Variants in CDH18 observed in about 807,000 individuals in gnomAD.
The protein encoded by CDH18 is cadherin 18, also known as cadherin-18.
A neutral mutation model predicts 67.9 loss-of-function variants in CDH18; 31 were observed. The ratio of observed to expected loss-of-function variants is 0.46; its 90% CI spans 0.34 to 0.62. The LOEUF (loss-of-function observed/expected upper bound fraction) is 0.62. Among genes scored for constraint, CDH18 ranks in the 20% least tolerant of loss-of-function variants. The probability of loss-of-function intolerance (pLI) is 0.01; values close to 1 mark genes in which losing one functional copy is unlikely to be tolerated. For missense variants in CDH18, 890 were observed against 975.5 expected (o/e 0.91, Z 1.17); for synonymous variants, 362 against 347.2 (o/e 1.04, Z -0.48).
chr5:19,607,181 T>C (rs1290977162), intron 6 of CDH18, among the ~76,000 whole-genome samples: 4 of 151,476 alleles, frequency 2.6e-5, no homozygotes, highest in African/African-American at 9.7e-5. Context: ...TTTTAAGAAA[T>C]TTACAATTCC....
intron 4 of CDH18, among the ~76,000 whole-genome samples, chr5:19,740,197 AC>A (rs1768915638): frequency 6.6e-6 from 1 of 152,160 alleles, no homozygotes; most frequent in African/African-American, 2.4e-5. Context: ...ACCTGTTACT[AC>A]CTGTTAAATG....
At chr5:20,047,529 T>C (rs1741015662) in intron 2 of CDH18, among the ~76,000 whole-genome samples, 1 of 151,830 alleles carries the variant, frequency 6.6e-6, no homozygotes, top group African/African-American at 2.4e-5. Context: ...AAACAAAGGT[T>C]TGCATTCTTA....
intron 1 of CDH18, among the ~76,000 whole-genome samples, chr5:20,384,669 C>A (rs1444126092): frequency 6.6e-6 from 1 of 152,010 alleles, no homozygotes; most frequent in Non-Finnish European, 1.5e-5. Flanking sequence ...ATAGTGTTTT[C>A]CATACTAGCT....
intron 2 of CDH18, among the ~76,000 whole-genome samples, chr5:19,878,398 G>A (rs116735967): frequency 0.03 from 4,509 of 151,980 alleles, 246 homozygotes; most frequent in African/African-American, 0.1. Flanking sequence ...ACAAACATAC[G>A]GCACACAAAC....
At chr5:20,439,277 A>C (rs1022240013) in intron 1 of CDH18, among the ~76,000 whole-genome samples, 2 of 151,610 alleles carry the variant, frequency 1.3e-5, no homozygotes, top group Non-Finnish European at 2.9e-5. Flanking sequence ...AATAGAAAAA[A>C]CTAAGGTTTG....
intron 11 of CDH18, among the ~76,000 whole-genome samples, chr5:19,495,717 CAAAAAAA>C (rs749003068): frequency 0.015 from 697 of 46,572 alleles, 8 homozygotes; most frequent in African/African-American, 0.052. Context: ...GAAACTGTCT[CAAAAAAA>C]AAAAAAAAAA....
chr5:19,818,901 T>C (rs1779569120), intron 3 of CDH18, among the ~76,000 whole-genome samples: 1 of 152,212 alleles, frequency 6.6e-6, no homozygotes, highest in Non-Finnish European at 1.5e-5. Context: ...TACTATTATT[T>C]TCTTATCGTA....
At chr5:19,984,770 G>C (rs902113061) in intron 1 of CDH18, among the ~76,000 whole-genome samples, 5 of 152,146 alleles carry the variant, frequency 3.3e-5, no homozygotes, top group African/African-American at 1.2e-4. Context: ...GTTAATCCAT[G>C]TCAGTATGCA....
At chr5:20,445,833 C>T (rs887790182) in intron 1 of CDH18, among the ~76,000 whole-genome samples, 1 of 152,042 alleles carries the variant, frequency 6.6e-6, no homozygotes, top group Admixed American at 6.5e-5. Flanking sequence ...AGACTAACAC[C>T]AAAATGCAAG....
At chr5:19,940,155 G>A (rs191108619) in intron 2 of CDH18, among the ~76,000 whole-genome samples, 1 of 151,652 alleles carries the variant, frequency 6.6e-6, no homozygotes, top group East Asian at 1.9e-4. Flanking sequence ...CATAACAGAG[G>A]CTTAGCATAT....
chr5:20,076,361 C>T (rs920151784), intron 2 of CDH18, among the ~76,000 whole-genome samples: 8 of 151,998 alleles, frequency 5.3e-5, no homozygotes, highest in East Asian at 1.9e-4. Flanking sequence ...AAAGTAACTA[C>T]ATTAGATTGT....
intron 2 of CDH18, among the ~76,000 whole-genome samples, chr5:19,920,506 C>G (rs1429052834): frequency 7.4e-6 from 1 of 135,274 alleles, no homozygotes; most frequent in African/African-American, 2.7e-5. Flanking sequence ...GACATTTAAC[C>G]TTACTTTTTT....
chr5:20,510,806 T>C (rs1332697529), intron 1 of CDH18, among the ~76,000 whole-genome samples: 1 of 152,164 alleles, frequency 6.6e-6, no homozygotes, highest in African/African-American at 2.4e-5. Flanking sequence ...GGATGGTGTC[T>C]AGCAATTGAA....
At chr5:20,168,521 T>G (rs1251902929) in intron 2 of CDH18, among the ~76,000 whole-genome samples, 1 of 152,144 alleles carries the variant, frequency 6.6e-6, no homozygotes, top group Non-Finnish European at 1.5e-5. Flanking sequence ...GAGAGGCAGA[T>G]ATCACTGGAT....
At chr5:20,473,048 A>G (rs1400971344) in intron 1 of CDH18, among the ~76,000 whole-genome samples, 1 of 152,202 alleles carries the variant, frequency 6.6e-6, no homozygotes, top group Non-Finnish European at 1.5e-5. Context: ...CATTAATATT[A>G]CAGTTTTACA....
intron 1 of CDH18, among the ~76,000 whole-genome samples, chr5:20,569,937 A>G (rs573892923): frequency 4.6e-5 from 7 of 152,242 alleles, no homozygotes; most frequent in South Asian, 2.1e-4. Flanking sequence ...AAACCTACCT[A>G]CCTTATTCCA....
intron 2 of CDH18, among the ~76,000 whole-genome samples, chr5:20,045,976 G>T (rs1740858041): frequency 6.6e-6 from 1 of 151,956 alleles, no homozygotes; most frequent in South Asian, 2.1e-4. Flanking sequence ...GCACCCAAAT[G>T]AACTAAGACA....
chr5:20,537,177 A>T (rs954586018), intron 1 of CDH18, among the ~76,000 whole-genome samples: 3 of 152,068 alleles, frequency 2.0e-5, no homozygotes, highest in African/African-American at 2.4e-5. Flanking sequence ...CTGGTGTCTA[A>T]TTTTTTCATG....
intron 2 of CDH18, among the ~76,000 whole-genome samples, chr5:20,121,143 A>G (rs976006077): frequency 1.3e-5 from 2 of 152,200 alleles, no homozygotes; most frequent in Non-Finnish European, 2.9e-5. Context: ...CAAAGCGCAC[A>G]GTGTATACAA....
Sources: allele counts gnomAD v4.1 joint callset (sites outside exome capture counted in the v4.1 genomes callset), GRCh38; gene constraint gnomAD v4.1.1; transcripts MANE v1.5; gene names NCBI Gene and HGNC (gene_info 2026-07-23, HGNC 2026-07-21).